CCDC30: variants seen among roughly 807,000 people sequenced by gnomAD.
CCDC30 encodes the protein coiled-coil domain-containing protein 30.
Under a neutral mutation model 100.2 loss-of-function variants are expected in CCDC30, and 70 were observed. That is an observed-to-expected ratio of 0.70 (90% CI 0.58 to 0.85). The LOEUF (loss-of-function observed/expected upper bound fraction) is 0.85. Ranked by LOEUF, CCDC30 falls within the 40% of genes least tolerant of loss-of-function variation. CCDC30 has a pLI of 0.00. For missense variants in CCDC30, 652 were observed against 771.2 expected (o/e 0.85, Z 1.83); for synonymous variants, 233 against 269.5 (o/e 0.86, Z 1.33).
At chr1:42,542,059 C>G (rs747073371) in intron 6 of CCDC30, among the ~76,000 whole-genome samples, 3 of 152,180 alleles carry the variant, frequency 2.0e-5, no homozygotes, top group Non-Finnish European at 4.4e-5. Flanking sequence ...GAACCATAAG[C>G]TTAATTCTTA....
At chr1:42,554,039 A>T (rs1298128078) in intron 6 of CCDC30, among the ~76,000 whole-genome samples, 1 of 152,116 alleles carries the variant, frequency 6.6e-6, no homozygotes, top group Non-Finnish European at 1.5e-5. Context: ...ACGTTAATAC[A>T]TACATGTTTA....
At chr1:42,571,379 CT>C (rs1411744457) in intron 7 of CCDC30, 2 of 151,868 alleles carry the variant, frequency 1.3e-5, no homozygotes, top group Non-Finnish European at 2.9e-5. Context: ...AACTTCTAGG[CT>C]TTCTAAAAGG....
intron 4 of CCDC30, among the ~76,000 whole-genome samples, chr1:42,493,784 A>G (rs1644184868): frequency 6.6e-6 from 1 of 152,252 alleles, no homozygotes; most frequent in Admixed American, 6.5e-5. Context: ...ATACAGGAAT[A>G]TTATGAATAA....
chr1:42,604,839 G>A (rs1298183521), intron 10 of CCDC30, among the ~76,000 whole-genome samples: 2 of 152,192 alleles, frequency 1.3e-5, no homozygotes, highest in Non-Finnish European at 2.9e-5. Context: ...GGATCTGTGA[G>A]CTGACCCAGG....
intron 6 of CCDC30, chr1:42,536,938 C>A: frequency 2.8e-6 from 1 of 359,432 alleles, no homozygotes; most frequent in Non-Finnish European, 5.3e-6. Context: ...TGGATTAAGG[C>A]CCCACCCTTA....
intron 1 of CCDC30, chr1:42,473,442 T>C (rs1433984894): frequency 9.7e-6 from 4 of 411,802 alleles, no homozygotes; most frequent in African/African-American, 2.0e-5. Flanking sequence ...TTTTTTTTTT[T>C]CTAATGAAAC....
At chr1:42,631,554 C>T (rs1453663241) in intron 11 of CCDC30, among the ~76,000 whole-genome samples, 1 of 152,224 alleles carries the variant, frequency 6.6e-6, no homozygotes, top group Non-Finnish European at 1.5e-5. Context: ...TATGTCCTTC[C>T]TTTCAGGGCA....
chr1:42,543,636 T>C (rs1008818826), intron 6 of CCDC30, among the ~76,000 whole-genome samples: 1 of 152,184 alleles, frequency 6.6e-6, no homozygotes, highest in Non-Finnish European at 1.5e-5. Flanking sequence ...AATTACTCTA[T>C]ACTCAGTTCT....
intron 6 of CCDC30, among the ~76,000 whole-genome samples, chr1:42,560,477 C>G (rs1464407349): frequency 6.6e-6 from 1 of 152,036 alleles, no homozygotes; most frequent in East Asian, 1.9e-4. Flanking sequence ...TCAAGTGATT[C>G]TCCTACCTCA....
upstream of CCDC30, chr1:42,459,447 A>G (rs1643342892): frequency 1.4e-6 from 1 of 701,734 alleles, no homozygotes; most frequent in African/African-American, 1.8e-5. Context: ...AGGCCAAGCC[A>G]CTGTGTTCCC....
chr1:42,487,673 TGGA>T (rs1004025155), intron 3 of CCDC30, among the ~76,000 whole-genome samples: 9 of 151,982 alleles, frequency 5.9e-5, no homozygotes, highest in Admixed American at 3.3e-4. Flanking sequence ...ACTTTGAAGA[TGGA>T]GGAGACCAGG....
chr1:42,621,763 G>A (rs1322633574), intron 11 of CCDC30, among the ~76,000 whole-genome samples: 1 of 151,694 alleles, frequency 6.6e-6, no homozygotes, highest in Non-Finnish European at 1.5e-5. Flanking sequence ...CGCCCGCCTC[G>A]GCCTCCCAAA....
At chr1:42,556,334 C>G (rs1283230302) in intron 6 of CCDC30, 1 of 1,614,038 alleles carries the variant, frequency 6.2e-7, no homozygotes, top group Non-Finnish European at 8.5e-7. Flanking sequence ...TAGAGAAGAG[C>G]TGAGCCATAT....
chr1:42,473,952 G>A (rs1643845139), intron 1 of CCDC30, among the ~76,000 whole-genome samples: 2 of 149,294 alleles, frequency 1.3e-5, no homozygotes, highest in South Asian at 4.5e-4. Flanking sequence ...CTAGTGCTTA[G>A]AGGAGTAGAT....
rs1342980837 is a variant in CCDC30 at position 42,482,691 on chromosome 1, A to G, written c.44A>G (p.Lys15Arg). The change falls in exon 3 of 17, where the codon AAA becomes AGA. Residue 15 changes from lysine (K) to arginine (R), a missense_variant. Coordinates refer to ENST00000668663, the Ensembl canonical transcript of CCDC30. ...CATAATGAAGACCTGGAAAAAGACA[A>G]AACATCACAAAACTGCCTAGGAAGA... 4 of 1,234,126 alleles carry G rather than the reference A, an allele frequency of 3.2e-6. No individual in the cohort carries two copies. The African/African-American group carries it at 6.2e-5, about 19-fold the overall frequency. The allele number at this position is 1,234,126 out of a possible 1,614,324, so 76.4% of individuals were successfully genotyped here. A position where few individuals can be genotyped will look rare whatever the true frequency, so the allele number is the denominator to read the frequency against.
At chr1:42,619,450 A>G (rs977766543) in intron 11 of CCDC30, among the ~76,000 whole-genome samples, 8 of 152,204 alleles carry the variant, frequency 5.3e-5, no homozygotes, top group African/African-American at 1.7e-4. Context: ...ATGCAAATCT[A>G]TTAATGTGTG....
At chr1:42,574,664 A>G (rs1360285046) in intron 7 of CCDC30, among the ~76,000 whole-genome samples, 1 of 152,194 alleles carries the variant, frequency 6.6e-6, no homozygotes, top group East Asian at 1.9e-4. Context: ...AATATAGTAT[A>G]GAGTACTGGA....
intron 6 of CCDC30, among the ~76,000 whole-genome samples, chr1:42,515,722 T>C (rs913327198): frequency 1.3e-5 from 2 of 152,230 alleles, no homozygotes; most frequent in African/African-American, 4.8e-5. Context: ...ACTCCCTGCA[T>C]CCAGCCTCTG....
At position 42,615,655 on chromosome 1, in the gene CCDC30, T is replaced by C. The variant is rs183986926; in HGVS notation, c.1277+4565T>C. Reference sequence around the variant, plus strand: ...TTCTAAATGTTAGAGGTCCTGTCTGTAGGAACAATGGGGATGCAAATGATC... The same window carrying C: ...TTCTAAATGTTAGAGGTCCTGTCTGCAGGAACAATGGGGATGCAAATGATC... On this transcript the variant is annotated intron_variant, in intron 11 of 16. Transcript: ENST00000668663. Among the ~76,000 whole-genome samples the C allele has an allele frequency of 2.7e-3, 410 of 152,226 alleles. 2 individuals are homozygous for C. The highest frequency in any genetic ancestry group is 9.1e-3 in the African/African-American group (377 of 41,536).
Sources: allele counts gnomAD v4.1 joint callset (sites outside exome capture counted in the v4.1 genomes callset), GRCh38; gene constraint gnomAD v4.1.1; transcripts MANE v1.5; gene names NCBI Gene and HGNC (gene_info 2026-07-23, HGNC 2026-07-21).